Variants in FGGY observed in about 807,000 individuals in gnomAD.
FGGY encodes FGGY carbohydrate kinase domain-containing protein.
A neutral mutation model predicts 71.3 loss-of-function variants in FGGY; 72 were observed. The ratio of observed to expected loss-of-function variants is 1.01; its 90% CI spans 0.84 to 1.23. The LOEUF (loss-of-function observed/expected upper bound fraction) is 1.23. Ranked by LOEUF, FGGY falls within the 50% of genes most tolerant of loss-of-function variation. The probability of loss-of-function intolerance (pLI) is 0.00; values close to 1 mark genes in which losing one functional copy is unlikely to be tolerated. For synonymous variants in FGGY, 251 were observed against 250.3 expected, an observed-to-expected ratio of 1.00 and a Z score of -0.02; for missense variants, 668 against 682.3, an observed-to-expected ratio of 0.98 and a Z score of 0.23.
At chr1:59,689,260 T>G (rs947469177) in intron 14 of FGGY, among the ~76,000 whole-genome samples, 4 of 152,058 alleles carry the variant, frequency 2.6e-5, no homozygotes, top group African/African-American at 9.7e-5. Context: ...AAACATTAAT[T>G]TAGGACAGGC....
At chr1:59,725,824 C>T (rs1253982889) in intron 14 of FGGY, among the ~76,000 whole-genome samples, 1 of 152,042 alleles carries the variant, frequency 6.6e-6, no homozygotes, top group Non-Finnish European at 1.5e-5. Flanking sequence ...TTTGTTCATT[C>T]TTTGTGATTT....
At chr1:59,602,702 T>G (rs1389361476) in intron 8 of FGGY, among the ~76,000 whole-genome samples, 4 of 152,220 alleles carry the variant, frequency 2.6e-5, no homozygotes. Context: ...CAAGCAAGTA[T>G]GTCCTCCTCG....
At chr1:59,447,357 G>A (rs1572254879) in intron 5 of FGGY, among the ~76,000 whole-genome samples, 1 of 151,924 alleles carries the variant, frequency 6.6e-6, no homozygotes, top group Non-Finnish European at 1.5e-5. Flanking sequence ...AAATATTCAG[G>A]GTGTGAACCT....
intron 5 of FGGY, among the ~76,000 whole-genome samples, chr1:59,439,651 T>G (rs1308469391): frequency 1.3e-5 from 2 of 152,192 alleles, no homozygotes; most frequent in East Asian, 3.8e-4. Flanking sequence ...CCTCCCTTAC[T>G]GAAATTTATG....
At chr1:59,502,732 T>C (rs1332835365) in intron 6 of FGGY, among the ~76,000 whole-genome samples, 1 of 152,182 alleles carries the variant, frequency 6.6e-6, no homozygotes, top group Non-Finnish European at 1.5e-5. Context: ...TAGACTCTGC[T>C]CCCACAACTG....
chr1:59,453,538 C>A (rs2091401096), intron 5 of FGGY, among the ~76,000 whole-genome samples: 1 of 152,154 alleles, frequency 6.6e-6, no homozygotes, highest in African/African-American at 2.4e-5. Context: ...GTTGGACTCA[C>A]TCACTGGAGT....
intron 8 of FGGY, among the ~76,000 whole-genome samples, chr1:59,600,145 C>G (rs1027340429): frequency 6.6e-6 from 1 of 152,056 alleles, no homozygotes; most frequent in African/African-American, 2.4e-5. Context: ...ATAATCCAAG[C>G]AAGAAATGAT....
chr1:59,349,316 A>T lies in FGGY; in HGVS notation c.465+2918A>T, dbSNP rs186580968. Among the ~76,000 whole-genome samples, 162 of 152,290 alleles carry T rather than the reference A, an allele frequency of 1.1e-3. 3 individuals carry two copies. In the East Asian group the frequency reaches 0.016, roughly 15 times the overall value. On this transcript the variant is annotated intron_variant, in intron 4 of 15. Transcript: ENST00000303721. ...GGCCTAAACTTGTTGCTATATCAAC[A>T]AGTTTGGATTGGATATATCACCTTT...
At chr1:59,648,621 T>C (rs1296791691) in intron 11 of FGGY, among the ~76,000 whole-genome samples, 2 of 150,098 alleles carry the variant, frequency 1.3e-5, no homozygotes, top group Non-Finnish European at 2.9e-5. Context: ...GTAAATTTGG[T>C]TGAGTTCATT....
At chr1:59,648,739 A>G (rs1242074666) in intron 11 of FGGY, among the ~76,000 whole-genome samples, 2 of 151,108 alleles carry the variant, frequency 1.3e-5, no homozygotes, top group African/African-American at 4.9e-5. Flanking sequence ...GCTGTGCAGA[A>G]GCTCTTTAGT....
intron 6 of FGGY, among the ~76,000 whole-genome samples, chr1:59,493,812 C>A (rs2093953315): frequency 6.6e-6 from 1 of 152,012 alleles, no homozygotes. Flanking sequence ...ATATATTTTA[C>A]CACAATTAAA....
intron 4 of FGGY, among the ~76,000 whole-genome samples, chr1:59,374,356 A>G (rs576068196): frequency 0.015 from 2,296 of 152,322 alleles, 63 homozygotes; most frequent in African/African-American, 0.053. Context: ...ACAATGAGAT[A>G]TCATCTCACA....
At chr1:59,753,586 C>T (rs2098265696) in intron 14 of FGGY, among the ~76,000 whole-genome samples, 2 of 137,482 alleles carry the variant, frequency 1.5e-5, no homozygotes, top group South Asian at 4.6e-4. Context: ...ACACAATAAG[C>T]AACTTGACAA....
At chr1:59,452,017 A>G (rs1283516638) in intron 5 of FGGY, among the ~76,000 whole-genome samples, 1 of 151,788 alleles carries the variant, frequency 6.6e-6, no homozygotes, top group South Asian at 2.1e-4. Flanking sequence ...ACTTCAGTTC[A>G]GTATAATAAA....
At position 59,734,724 on chromosome 1, in the gene FGGY, G is replaced by A. The variant is rs146842352; in HGVS notation, c.1513-23207G>A. Among the ~76,000 whole-genome samples, 293 of 152,322 alleles carry A rather than the reference G, an allele frequency of 1.9e-3. 2 individuals are homozygous for A. Among genetic ancestry groups the A allele is most frequent in the African/African-American group, 6.7e-3 (278 of 41,568 alleles). ...GTGCCCTGAAGCAGCCCCTGGGGGA[G>A]GGGATGGCCCTGGTCCCTCTGACTC... On this transcript the variant is annotated intron_variant, in intron 14 of 15. Coordinates refer to ENST00000303721, the MANE Select transcript of FGGY (RefSeq NM_018291.5).
At chr1:59,520,097 T>C (rs2094783059) in intron 7 of FGGY, among the ~76,000 whole-genome samples, 1 of 152,222 alleles carries the variant, frequency 6.6e-6, no homozygotes, top group Non-Finnish European at 1.5e-5. Context: ...AAATGTCAAA[T>C]GTCAGTAGCA....
chr1:59,501,542 A>G (rs2094223108), intron 6 of FGGY, among the ~76,000 whole-genome samples: 3 of 152,124 alleles, frequency 2.0e-5, no homozygotes, highest in Admixed American at 2.0e-4. Context: ...AAGTGGGGTA[A>G]CTCTCCATGG....
intron 2 of FGGY, among the ~76,000 whole-genome samples, chr1:59,332,305 TC>T (rs1482263277): frequency 1.3e-5 from 2 of 152,208 alleles, no homozygotes; most frequent in African/African-American, 4.8e-5. Context: ...GTGCTTTCTC[TC>T]TAGCTAGGGA....
chr1:59,643,754 G>A (rs1287882471), intron 11 of FGGY, among the ~76,000 whole-genome samples: 3 of 152,156 alleles, frequency 2.0e-5, no homozygotes, highest in African/African-American at 7.2e-5. Context: ...ACATTTTGAG[G>A]ATAGGAGCAA....
Sources: allele counts gnomAD v4.1 joint callset (sites outside exome capture counted in the v4.1 genomes callset), GRCh38; gene constraint gnomAD v4.1.1; transcripts MANE v1.5; gene names NCBI Gene and HGNC (gene_info 2026-07-23, HGNC 2026-07-21).